PRICKLE4: variants seen among roughly 807,000 people sequenced by gnomAD.
The protein encoded by PRICKLE4 is prickle-like protein 4.
PRICKLE4 carries 40 observed loss-of-function variants against 43.5 expected under a neutral mutation model. That is an observed-to-expected ratio of 0.92 (90% CI 0.71 to 1.20). The LOEUF (loss-of-function observed/expected upper bound fraction) is 1.20, where lower values mean the gene tolerates loss of function less well. PRICKLE4 is among the 50% of genes most tolerant of loss of function. PRICKLE4 has a pLI of 0.00. For missense variants in PRICKLE4, 527 were observed against 491.2 expected (o/e 1.07, Z -0.69); for synonymous variants, 208 against 197.4 (o/e 1.05, Z -0.45).
rs2127306994 is a variant in PRICKLE4, at chr6:41,785,452, A to G, written c.494A>G (p.Asn165Ser). The change falls in exon 6 of 8, where the codon AAC (asparagine) becomes AGC (serine). Residue 165 changes from asparagine to serine, a missense_variant. By Grantham distance (46) the Asn-to-Ser change is conservative. Transcript: ENST00000458694. ...ACQACGQALINLIYFYHDGQL... is the reference protein window; with the variant it reads ...ACQACGQALISLIYFYHDGQL... ...CAGGCCTGTGGCCAGGCCCTGATAA[A>G]CCTCATCTACTTCTACCATGATGGA... 6.2e-7 allele frequency: 1 copy of G among 1,614,006 alleles called. No homozygotes were observed. The highest frequency in any genetic ancestry group is 8.5e-7 in the Non-Finnish European group (1 of 1,180,006).
rs932459967 is a variant in PRICKLE4 at position 41,784,422 on chromosome 6, A to G, written c.240+184A>G. Among the ~76,000 whole-genome samples the G allele has an allele frequency of 2.6e-5, 4 of 152,370 alleles. No homozygotes were observed. The South Asian group carries it at 6.2e-4, about 24-fold the overall frequency. On this transcript the variant is annotated intron_variant, in intron 4 of 7. Transcript: ENST00000458694. ...ATTGGCAATAACAATAGCAGGTGCAATAACATCTGCTCTGCCCACCACAAT... is the reference window on the plus strand; with the variant it reads ...ATTGGCAATAACAATAGCAGGTGCAGTAACATCTGCTCTGCCCACCACAAT...
Position 41,787,143 on chromosome 6 carries a change from A to C in PRICKLE4, c.*14A>C, listed in dbSNP as rs768219471. Reference sequence around the variant, plus strand: ...ACCATGTGCTAGTGGCGCAGCTCAGAGAGGGGATGTGAGTGGGAGGAAAGG... The same window carrying C: ...ACCATGTGCTAGTGGCGCAGCTCAGCGAGGGGATGTGAGTGGGAGGAAAGG... On this transcript the variant is annotated 3_prime_UTR_variant, in exon 8 of 8. Transcript: ENST00000458694. The C allele has an allele frequency of 6.3e-7, 1 of 1,588,682 alleles. No homozygotes were observed. The highest frequency in any genetic ancestry group is 1.3e-5 in the African/African-American group (1 of 74,416).
In PRICKLE4 at chr6:41,785,984, C is replaced by G. The variant is rs1013388959; in HGVS notation, c.583-144C>G. ...TCCTGGCTAAGCCAATCAGTCCTCC[C>G]TGCGTCCAAAAGTGGCTGAGTGAAT... is the stretch of plus-strand genomic sequence containing the variant. On this transcript the variant is annotated intron_variant, in intron 6 of 7. Coordinates refer to ENST00000458694, the MANE Select transcript of PRICKLE4 (RefSeq NM_013397.6). 11 of 933,618 alleles carry G rather than the reference C, an allele frequency of 1.2e-5. No homozygotes were observed. The Admixed American group carries it at 2.3e-4, about 20-fold the overall frequency. The allele number at this position is 933,618 out of a possible 1,614,324, so 57.8% of individuals were successfully genotyped here. A position where few individuals can be genotyped will look rare whatever the true frequency, so the allele number is the denominator to read the frequency against.
Position 41,785,540 on chromosome 6 carries a change from G to C in PRICKLE4, c.582G>C (p.Gln194His). ...LLRPRCPACD[Q>H]LIFSWRCTEA... The stretch of plus-strand genomic sequence containing the variant: ...GCCCGCGCTGCCCGGCTTGTGACCA[G>C]GTACAGCCTGGAGGGGAGGAACTGG... The change falls in exon 6 of 8, where the codon CAG becomes CAC. Residue 194 changes from glutamine to histidine, a missense_variant and splice_region_variant. Physicochemically the swap from Gln to His is conservative, Grantham distance 24 (BLOSUM62 0). Transcript: ENST00000458694. 6.2e-7 allele frequency: 1 copy of C among 1,611,944 alleles called. No homozygotes were observed.
chr6:41,785,751 G>A (rs150428373), intron 6 of PRICKLE4, among the ~76,000 whole-genome samples: 2 of 152,328 alleles, frequency 1.3e-5, no homozygotes, highest in East Asian at 3.9e-4. Flanking sequence ...CCACTGCAGA[G>A]TCCCTCAAAT....
In PRICKLE4 at chr6:41,786,334, T is replaced by G. The variant is rs780297293; in HGVS notation, c.787+2T>G. On this transcript the variant is annotated splice_donor_variant, in intron 7 of 7. Transcript: ENST00000458694. LOFTEE classifies it high-confidence loss of function. Reference sequence around the variant, plus strand: ...CACTGGAAGGGCAGGCATTCCTTGGTAAGGGAGAGGATGCAGAGCAAAGCG... The same window carrying G: ...CACTGGAAGGGCAGGCATTCCTTGGGAAGGGAGAGGATGCAGAGCAAAGCG... The G allele has an allele frequency of 6.4e-7, 1 of 1,556,496 alleles. No homozygotes were observed. Among genetic ancestry groups the G allele is most frequent in the Admixed American group, 1.8e-5 (1 of 55,232 alleles).
At position 41,783,663 on chromosome 6, in the gene PRICKLE4, C is replaced by CA; in HGVS notation, c.132+59dup. On this transcript the variant is annotated intron_variant, in intron 3 of 7. Transcript: ENST00000458694. ...CATGTCCTCTATCCTGTGGAGTGGC[C>CA]ACCCTTTTCCACCAACCCGGAGGTA... 3 of 1,612,280 alleles carry CA rather than the reference C, an allele frequency of 1.9e-6. No individual in the cohort carries two copies. The South Asian group carries it at 3.3e-5, about 18-fold the overall frequency.
intron 6 of PRICKLE4, 103 bp from the exon 7 acceptor site, chr6:41,786,025 G>T (rs189387340): frequency 8.1e-7 from 1 of 1,230,208 alleles, no homozygotes. Context: ...GGGAATGTGT[G>T]CAGACGTGCT....
intron 3 of PRICKLE4, chr6:41,783,818 G>C: frequency 1.3e-6 from 1 of 790,480 alleles, no homozygotes; most frequent in South Asian, 1.5e-5. Flanking sequence ...CTCCTAGGGG[G>C]TCTGTATTGT....
intron 2 of PRICKLE4, 60 bp from the exon 3 acceptor site, chr6:41,783,402 C>T: frequency 7.1e-7 from 1 of 1,408,664 alleles, no homozygotes. Context: ...AAGCACTTAA[C>T]ACTTCCTAGC....
Position 41,784,251 on chromosome 6 carries a change from TCCC to T in PRICKLE4, c.240+15_240+17del, listed in dbSNP as rs1163726200. The T allele has an allele frequency of 1.2e-5, 19 of 1,556,836 alleles. No homozygotes were observed. The highest frequency in any genetic ancestry group is 1.7e-5 in the Non-Finnish European group (19 of 1,137,644). On this transcript the variant is annotated intron_variant, in intron 4 of 7. Transcript: ENST00000458694. ...GCAGGACATTGATGTGGGTCTCCTC[TCCC>T]CATCTTCCCTCTCTTGCCTTTCCCT...
Position 41,787,163 on chromosome 6 carries a change from G to C in PRICKLE4, c.*34G>C, listed in dbSNP as rs771887907. 8.3e-6 allele frequency: 13 copies of C among 1,559,428 alleles called. No individual in the cohort carries two copies. In the African/African-American group the frequency reaches 1.6e-4, roughly 20 times the overall value. ...CTCAGAGAGGGGATGTGAGTGGGAG[G>C]AAAGGGGTCTGTAAAGCGGGAGAAC... On this transcript the variant is annotated 3_prime_UTR_variant, in exon 8 of 8. Transcript: ENST00000458694.
Position 41,787,223 on chromosome 6 carries a change from A to G in PRICKLE4, c.*94A>G. ...CTCCCCCTAACAATCCTAGACTGAG[A>G]CGCAGTCAGGCGCACGCCCGCAAGA... On this transcript the variant is annotated 3_prime_UTR_variant, in exon 8 of 8. Coordinates refer to ENST00000458694, the MANE Select transcript of PRICKLE4 (RefSeq NM_013397.6). 6.8e-7 allele frequency: 1 copy of G among 1,460,280 alleles called. No individual in the cohort carries two copies. Among genetic ancestry groups the G allele is most frequent in the African/African-American group, 1.4e-5 (1 of 70,532 alleles). 90.5% of individuals were successfully genotyped at this position (1,460,280 alleles called of 1,614,324 possible).
chr6:41,786,471 C>A, intron 7 of PRICKLE4, 139 bp downstream of exon 7: 2 of 1,108,248 alleles, frequency 1.8e-6, no homozygotes, highest in Non-Finnish European at 1.3e-6. Flanking sequence ...CAGACCCAAG[C>A]CTCGGGGCCC....
intron 4 of PRICKLE4, 71 bp downstream of exon 4, chr6:41,784,309 A>C: frequency 1.6e-6 from 2 of 1,257,604 alleles, no homozygotes; most frequent in Non-Finnish European, 2.2e-6. Flanking sequence ...TGTGGGAAGA[A>C]CCTCAGTCCA....
In PRICKLE4 at chr6:41,785,082, A is replaced by AC; in HGVS notation, c.378+14dup. The AC allele has an allele frequency of 1.2e-6, 2 of 1,612,650 alleles. No individual in the cohort carries two copies. Among genetic ancestry groups the AC allele is most frequent in the Non-Finnish European group, 1.7e-6 (2 of 1,179,552 alleles). The stretch of plus-strand genomic sequence containing the variant: ...ACACACCTGTGAGAAGGTATGTAGC[A>AC]CCCCTCCCCCCAAATTCCCCTTCCT... On this transcript the variant is annotated intron_variant, in intron 5 of 7. Coordinates refer to ENST00000458694, the MANE Select transcript of PRICKLE4 (RefSeq NM_013397.6).
At position 41,786,889 on chromosome 6, in the gene PRICKLE4, C is replaced by A. The variant is rs1474405467; in HGVS notation, c.915C>A (p.Ser305=). 6.2e-7 allele frequency: 1 copy of A among 1,610,234 alleles called. No individual in the cohort carries two copies. Among genetic ancestry groups the A allele is most frequent in the South Asian group, 1.1e-5 (1 of 90,666 alleles). The change falls in exon 8 of 8, where the codon TCC becomes TCA. Residue 305 remains serine, a synonymous_variant. Coordinates refer to ENST00000458694, the MANE Select transcript of PRICKLE4 (RefSeq NM_013397.6). The part of the protein sequence containing the change: ...SLQTQRGLPG[S]SPQQENRPGD... ...AAACTCAGAGGGGGCTGCCTGGATC[C>A]AGTCCCCAGCAGGAGAACCGACCTG...
At chr6:41,782,921 C>T (rs545562753) in intron 2 of PRICKLE4, among the ~76,000 whole-genome samples, 14 of 152,232 alleles carry the variant, frequency 9.2e-5, no homozygotes, top group African/African-American at 3.4e-4. Flanking sequence ...GCTTCAGGAG[C>T]TCAGGGAAGG....
intron 4 of PRICKLE4, 97 bp downstream of exon 4, chr6:41,784,335 G>A: frequency 1.0e-6 from 1 of 988,432 alleles, no homozygotes. Context: ...TAGGGGATGT[G>A]GATTTAATGC....
Sources: allele counts gnomAD v4.1 joint callset (sites outside exome capture counted in the v4.1 genomes callset), GRCh38; gene constraint gnomAD v4.1.1; transcripts MANE v1.5; gene names NCBI Gene and HGNC (gene_info 2026-07-23, HGNC 2026-07-21).